Variants in FAM193A observed in about 807,000 individuals in gnomAD.
FAM193A encodes family with sequence similarity 193 member A.
Under a neutral mutation model 126.5 loss-of-function variants are expected in FAM193A, and 22 were observed. The ratio of observed to expected loss-of-function variants is 0.17; its 90% CI spans 0.12 to 0.25. The LOEUF is 0.25. FAM193A is among the 10% of genes least tolerant of loss of function. The pLI, the probability that FAM193A is intolerant of heterozygous loss-of-function variation, is 1.00. For missense variants in FAM193A, 1,675 were observed against 1,672.8 expected (o/e 1.00, Z -0.02); for synonymous variants, 761 against 646.8 (o/e 1.18, Z -2.68).
chr4:2,668,213 CTTTTT>C (rs71644347), intron 12 of FAM193A, among the ~76,000 whole-genome samples: 1 of 137,578 alleles, frequency 7.3e-6, no homozygotes, highest in Admixed American at 7.4e-5. Flanking sequence ...CAATATGCAT[CTTTTT>C]TTTTTTTTTT....
At chr4:2,714,437 T>C (rs1719326739) in intron 19 of FAM193A, among the ~76,000 whole-genome samples, 2 of 152,080 alleles carry the variant, frequency 1.3e-5, no homozygotes. Context: ...CCCTTCCTCC[T>C]GAGTGTAGAT....
At chr4:2,594,820 CTTTTTTTTTTTTTTT>C (rs386399069) in intron 1 of FAM193A, among the ~76,000 whole-genome samples, 4 of 62,210 alleles carry the variant, frequency 6.4e-5, no homozygotes, top group Non-Finnish European at 8.3e-5. Flanking sequence ...TTTTCTTTTC[CTTTTTTTTTTTTTTT>C]TTTTTTTTTT....
rs537213523 is a variant in FAM193A, at chr4:2,676,201, G to A, written c.2331+3829G>A. Among the ~76,000 whole-genome samples, 8 of 152,304 alleles carry A rather than the reference G, an allele frequency of 5.3e-5. No individual in the cohort carries two copies. In the East Asian group the frequency reaches 1.3e-3, roughly 26 times the overall value. Reference sequence around the variant, plus strand: ...TTTAATTTTTGGAGGAACTGCCACCGTTTCCTACAGTGGCTGCACCATTTT... The same window carrying A: ...TTTAATTTTTGGAGGAACTGCCACCATTTCCTACAGTGGCTGCACCATTTT... On this transcript the variant is annotated intron_variant, in intron 13 of 20. Coordinates refer to ENST00000637812, the MANE Select transcript of FAM193A (RefSeq NM_001366318.2).
intron 1 of FAM193A, among the ~76,000 whole-genome samples, chr4:2,545,117 C>T (rs576905854): frequency 2.0e-5 from 3 of 152,138 alleles, no homozygotes; most frequent in East Asian, 3.9e-4. Flanking sequence ...CTCAGCCTCC[C>T]GAGTAGCTGG....
At chr4:2,543,505 T>C (rs560443303) in intron 1 of FAM193A, among the ~76,000 whole-genome samples, 8 of 151,952 alleles carry the variant, frequency 5.3e-5, no homozygotes, top group African/African-American at 1.4e-4. Flanking sequence ...GAGATCAGCC[T>C]GGGTGACGTG....
intron 1 of FAM193A, among the ~76,000 whole-genome samples, chr4:2,584,944 A>C (rs1425640307): frequency 6.6e-6 from 1 of 151,944 alleles, no homozygotes; most frequent in Non-Finnish European, 1.5e-5. Flanking sequence ...AAAAAAAAAC[A>C]AACCAAAACT....
intron 1 of FAM193A, among the ~76,000 whole-genome samples, chr4:2,556,976 G>C (rs1738296255): frequency 6.6e-6 from 1 of 152,054 alleles, no homozygotes. Context: ...CACCAAGATA[G>C]TACACTGGTC....
chr4:2,553,093 C>T (rs557448794), intron 1 of FAM193A, among the ~76,000 whole-genome samples: 3 of 152,160 alleles, frequency 2.0e-5, no homozygotes, highest in Admixed American at 2.0e-4. Context: ...AGTGATCCAC[C>T]GGCCTCGGTC....
intron 1 of FAM193A, among the ~76,000 whole-genome samples, chr4:2,549,460 G>A (rs1737773768): frequency 7.2e-6 from 1 of 139,340 alleles, no homozygotes; most frequent in Non-Finnish European, 1.6e-5. Context: ...GCAGTGGCGG[G>A]ATCTCGGCTC....
chr4:2,642,546 G>A (rs890681284), intron 6 of FAM193A, among the ~76,000 whole-genome samples: 4 of 152,124 alleles, frequency 2.6e-5, no homozygotes, highest in Non-Finnish European at 5.9e-5. Flanking sequence ...CCCTGGTTAT[G>A]ACGTTCAGAT....
chr4:2,558,639 C>T (rs1371916306), intron 1 of FAM193A, among the ~76,000 whole-genome samples: 1 of 152,192 alleles, frequency 6.6e-6, no homozygotes, highest in Non-Finnish European at 1.5e-5. Flanking sequence ...CCTTAGCCTC[C>T]TGGGTATTTG....
chr4:2,602,809 C>G (rs1479094083), intron 2 of FAM193A, among the ~76,000 whole-genome samples: 1 of 150,894 alleles, frequency 6.6e-6, no homozygotes, highest in African/African-American at 2.4e-5. Flanking sequence ...TACAGGCGCC[C>G]ACCACCACGC....
chr4:2,552,847 CTTTTTTT>C (rs5855745), intron 1 of FAM193A, among the ~76,000 whole-genome samples: 1 of 119,398 alleles, frequency 8.4e-6, no homozygotes, highest in Non-Finnish European at 1.7e-5. Context: ...ACAGAACTTT[CTTTTTTT>C]TTTTTTTTTT....
At chr4:2,681,862 A>C (rs1715164242) in intron 13 of FAM193A, among the ~76,000 whole-genome samples, 1 of 151,438 alleles carries the variant, frequency 6.6e-6, no homozygotes, top group Non-Finnish European at 1.5e-5. Context: ...CGTAAGTTTC[A>C]GTATGTTATG....
At chr4:2,536,172 G>GGGGC (rs975962575), upstream of FAM193A, among the ~76,000 whole-genome samples, 4 of 151,224 alleles carry the variant, frequency 2.6e-5, no homozygotes, top group Admixed American at 1.3e-4. Flanking sequence ...CGAGGCGGGC[G>GGGGC]GGGCGGGCGG....
Position 2,688,754 on chromosome 4 carries a change from G to A in FAM193A, c.2332-752G>A, listed in dbSNP as rs528899157. ...AGGCTGTTGCACTGCGCCACTGTGA[G>A]AACATGGTGCTCAGGATCTCCTAAG... On this transcript the variant is annotated intron_variant, in intron 13 of 20. Transcript: ENST00000637812. 1.4e-3 allele frequency among the ~76,000 whole-genome samples: 212 copies of A among 152,396 alleles called. 3 individuals carry two copies. Among genetic ancestry groups the A allele is most frequent in the Admixed American group, 2.4e-3 (36 of 15,310 alleles).
chr4:2,590,753 C>T (rs908478291), intron 1 of FAM193A, among the ~76,000 whole-genome samples: 6 of 151,772 alleles, frequency 4.0e-5, no homozygotes, highest in African/African-American at 1.5e-4. Flanking sequence ...GTTGGCCAGG[C>T]GCAGTGGCTC....
chr4:2,577,270 C>T (rs1266016316), intron 1 of FAM193A, among the ~76,000 whole-genome samples: 1 of 152,114 alleles, frequency 6.6e-6, no homozygotes, highest in African/African-American at 2.4e-5. Context: ...AGTAAAAACA[C>T]ATTGTTAGTG....
chr4:2,703,735 A>G (rs180813398), intron 19 of FAM193A, among the ~76,000 whole-genome samples: 8 of 150,804 alleles, frequency 5.3e-5, no homozygotes, highest in African/African-American at 1.7e-4. Flanking sequence ...AAGCTGAGGC[A>G]GGAGGATTAC....
Sources: allele counts gnomAD v4.1 joint callset (sites outside exome capture counted in the v4.1 genomes callset), GRCh38; gene constraint gnomAD v4.1.1; transcripts MANE v1.5; gene names NCBI Gene and HGNC (gene_info 2026-07-23, HGNC 2026-07-21).